FAM168A: variants seen among roughly 807,000 people sequenced by gnomAD.
FAM168A encodes the protein protein FAM168A.
FAM168A carries 3 observed loss-of-function variants against 28.5 expected under a neutral mutation model. The observed-to-expected ratio is 0.11, with a 90% CI of 0.05 to 0.27. The LOEUF (loss-of-function observed/expected upper bound fraction) is 0.27. Among genes scored for constraint, FAM168A ranks in the 10% least tolerant of loss-of-function variants. The pLI, the probability that FAM168A is intolerant of heterozygous loss-of-function variation, is 1.00. For missense variants in FAM168A, 222 were observed against 311.5 expected (o/e 0.71, Z 2.16); for synonymous variants, 122 against 124.2 (o/e 0.98, Z 0.12).
At position 73,515,466 on chromosome 11, in the gene FAM168A, C is replaced by A. The variant is rs114405201; in HGVS notation, c.-18-46974G>T. Among the ~76,000 whole-genome samples the A allele has an allele frequency of 7.1e-3, 1,063 of 149,572 alleles. 16 individuals carry two copies. The highest frequency in any genetic ancestry group is 0.026 in the African/African-American group (1,027 of 40,160). Reference sequence around the variant, plus strand: ...GAGGTTGCAGTGAGCCGAGATTGTGCCATTGCACTCTAGCTGCGGTAACAA... The same window carrying A: ...GAGGTTGCAGTGAGCCGAGATTGTGACATTGCACTCTAGCTGCGGTAACAA... On this transcript the variant is annotated intron_variant, in intron 1 of 7. Coordinates refer to ENST00000356467, the MANE Select transcript of FAM168A (RefSeq NM_015159.3).
chr11:73,485,177 C>G (rs980871943), intron 1 of FAM168A, among the ~76,000 whole-genome samples: 7 of 152,176 alleles, frequency 4.6e-5, no homozygotes, highest in African/African-American at 1.7e-4. Context: ...CATAACACAT[C>G]TAAAGGACTG....
At chr11:73,433,564 T>C (rs1867035272) in intron 2 of FAM168A, among the ~76,000 whole-genome samples, 1 of 152,114 alleles carries the variant, frequency 6.6e-6, no homozygotes, top group Admixed American at 6.5e-5. Flanking sequence ...TTATATATGA[T>C]ATGAGGTAGG....
intron 4 of FAM168A, among the ~76,000 whole-genome samples, chr11:73,417,721 G>A (rs1866720555): frequency 6.6e-6 from 1 of 151,998 alleles, no homozygotes; most frequent in Non-Finnish European, 1.5e-5. Context: ...CACCATGCCT[G>A]GCTAATTTTT....
intron 1 of FAM168A, among the ~76,000 whole-genome samples, chr11:73,518,380 T>TA (rs1168280899): frequency 6.7e-6 from 1 of 148,256 alleles, no homozygotes; most frequent in African/African-American, 2.6e-5. Flanking sequence ...TTTAAAATAT[T>TA]AAAAAACATT....
At chr11:73,471,457 C>T (rs971336681) in intron 1 of FAM168A, among the ~76,000 whole-genome samples, 7 of 152,096 alleles carry the variant, frequency 4.6e-5, no homozygotes, top group Non-Finnish European at 7.4e-5. Context: ...CCCTGAAAAA[C>T]GTATTCAGTT....
chr11:73,574,274 C>T (rs2134725560), intron 1 of FAM168A, among the ~76,000 whole-genome samples: 1 of 152,232 alleles, frequency 6.6e-6, no homozygotes, highest in Non-Finnish European at 1.5e-5. Flanking sequence ...GGAAAGTTGG[C>T]TATTATTATC....
At chr11:73,509,201 C>T (rs889037348) in intron 1 of FAM168A, among the ~76,000 whole-genome samples, 2 of 152,198 alleles carry the variant, frequency 1.3e-5, no homozygotes, top group Non-Finnish European at 2.9e-5. Context: ...GCAGCTTATC[C>T]ATGATCACAC....
intron 1 of FAM168A, among the ~76,000 whole-genome samples, chr11:73,483,044 T>G (rs1867989035): frequency 6.6e-6 from 1 of 152,224 alleles, no homozygotes. Context: ...AACAGGTTTT[T>G]AAGCCACAGT....
In FAM168A at chr11:73,430,745, A is replaced by G. The variant is rs1866974701; in HGVS notation, c.96T>C (p.Ala32=). ...YTGYPTAYPA[A]APAYNPSLYP... ...ACAGGCTGGGATTGTAGGCAGGGGC[A>G]GCTGCTGGATAGGCTGTGGGGTAAC... Residue 32 remains alanine, a synonymous_variant, in exon 3 of 8, where the codon GCT becomes GCC. Coordinates refer to ENST00000356467, the MANE Select transcript of FAM168A (RefSeq NM_015159.3). The G allele has an allele frequency of 1.2e-6, 2 of 1,613,476 alleles. No individual in the cohort carries two copies. The highest frequency in any genetic ancestry group is 2.7e-5 in the African/African-American group (2 of 75,002).
chr11:73,501,008 T>A (rs1286813651), intron 1 of FAM168A, among the ~76,000 whole-genome samples: 13 of 132,338 alleles, frequency 9.8e-5, no homozygotes, highest in African/African-American at 2.0e-4. Flanking sequence ...ACCAAGCAAA[T>A]GGAAAGCAAA....
chr11:73,544,729 T>C (rs1590844812), intron 1 of FAM168A, among the ~76,000 whole-genome samples: 1 of 113,524 alleles, frequency 8.8e-6, no homozygotes, highest in East Asian at 2.1e-4. Flanking sequence ...ATTTTATATG[T>C]AATTATATAT....
chr11:73,468,635 G>T, intron 1 of FAM168A, 143 bp from the exon 2 acceptor site: 1 of 628,986 alleles, frequency 1.6e-6, no homozygotes, highest in Non-Finnish European at 2.7e-6. Context: ...AAGCCAATTT[G>T]CTTGTAGTTG....
chr11:73,424,976 C>G (rs1244579533), intron 3 of FAM168A: 15 of 1,455,616 alleles, frequency 1.0e-5, no homozygotes, highest in Non-Finnish European at 1.4e-5. Flanking sequence ...TACGAGAGAA[C>G]ACATTCATAG....
intron 1 of FAM168A, among the ~76,000 whole-genome samples, chr11:73,482,181 C>CTTTTTT (rs55882143): frequency 1.3e-5 from 1 of 77,554 alleles, no homozygotes; most frequent in Non-Finnish European, 2.4e-5. Context: ...ATCCAACAGC[C>CTTTTTT]TTTTTTTTTT....
intron 1 of FAM168A, among the ~76,000 whole-genome samples, chr11:73,577,314 G>A (rs921311649): frequency 2.6e-5 from 4 of 151,946 alleles, no homozygotes; most frequent in Admixed American, 6.5e-5. Context: ...TGGTCACACA[G>A]CTACTTAACT....
chr11:73,578,802 A>T (rs559509950), intron 1 of FAM168A, among the ~76,000 whole-genome samples: 70 of 152,378 alleles, frequency 4.6e-4, no homozygotes, highest in African/African-American at 1.6e-3. Context: ...CCTGGATTGA[A>T]TCCCATCCTT....
At chr11:73,587,862 G>A (rs1565310145) in intron 1 of FAM168A, among the ~76,000 whole-genome samples, 1 of 151,926 alleles carries the variant, frequency 6.6e-6, no homozygotes, top group African/African-American at 2.4e-5. Context: ...AGATTCTTCT[G>A]CCTCAGCCTC....
chr11:73,513,446 G>A (rs1165159765), intron 1 of FAM168A, among the ~76,000 whole-genome samples: 2 of 150,196 alleles, frequency 1.3e-5, no homozygotes, highest in African/African-American at 5.0e-5. Context: ...TCGATCTCCT[G>A]ACCTTGTGAT....
intron 1 of FAM168A, among the ~76,000 whole-genome samples, chr11:73,558,744 A>AT (rs978007522): frequency 3.3e-4 from 50 of 152,306 alleles, no homozygotes; most frequent in African/African-American, 1.2e-3. Context: ...CATAAGATAT[A>AT]TTATGCCATA....
Sources: allele counts gnomAD v4.1 joint callset (sites outside exome capture counted in the v4.1 genomes callset), GRCh38; gene constraint gnomAD v4.1.1; transcripts MANE v1.5; gene names NCBI Gene and HGNC (gene_info 2026-07-23, HGNC 2026-07-21).